Variants in MYT1L observed in about 807,000 individuals in gnomAD.
The protein encoded by MYT1L is myelin transcription factor 1 like.
In MYT1L, 12 loss-of-function variants were observed where a neutral mutation model predicts 126.7. The observed-to-expected ratio is 0.09, with a 90% CI of 0.06 to 0.15. The LOEUF (loss-of-function observed/expected upper bound fraction) is 0.15, where lower values mean the gene tolerates loss of function less well. Ranked by LOEUF, MYT1L falls within the 10% of genes least tolerant of loss-of-function variation. MYT1L has a pLI of 1.00. For synonymous variants in MYT1L, 541 were observed against 604.2 expected (o/e 0.90, Z 1.53); for missense variants, 979 against 1,585.2 (o/e 0.62, Z 6.49).
At chr2:1,964,039 C>T (rs910364296) in intron 8 of MYT1L, among the ~76,000 whole-genome samples, 1 of 152,180 alleles carries the variant, frequency 6.6e-6, no homozygotes, top group Admixed American at 6.5e-5. Context: ...GCATTTCCAG[C>T]TTTTGATTTA....
chr2:1,996,790 G>A (rs2061904629), intron 5 of MYT1L, among the ~76,000 whole-genome samples: 1 of 130,192 alleles, frequency 7.7e-6, no homozygotes, highest in Non-Finnish European at 1.6e-5. Context: ...TTTACCTAGT[G>A]AGCGAGGGCC....
intron 4 of MYT1L, among the ~76,000 whole-genome samples, chr2:2,036,564 A>G (rs2066877971): frequency 6.6e-6 from 1 of 152,216 alleles, no homozygotes; most frequent in Non-Finnish European, 1.5e-5. Flanking sequence ...ACAGCTCCTC[A>G]TGGCAGAAAC....
intron 4 of MYT1L, among the ~76,000 whole-genome samples, chr2:2,030,073 T>G (rs1319674381): frequency 6.6e-6 from 1 of 152,072 alleles, no homozygotes; most frequent in Non-Finnish European, 1.5e-5. Context: ...GTGATGGGCA[T>G]GAGGAATTGT....
At chr2:1,890,090 G>T (rs181836993) in intron 15 of MYT1L, among the ~76,000 whole-genome samples, 1,933 of 149,440 alleles carry the variant, frequency 0.013, 26 homozygotes, top group Non-Finnish European at 0.023. Flanking sequence ...TTTTTTGAGG[G>T]ACAGAGTCTT....
At chr2:2,137,177 A>G (rs1309837176) in intron 3 of MYT1L, among the ~76,000 whole-genome samples, 1 of 152,210 alleles carries the variant, frequency 6.6e-6, no homozygotes, top group Non-Finnish European at 1.5e-5. Flanking sequence ...CCACTGCTCA[A>G]TGAAATAGAA....
chr2:2,070,511 T>C (rs1160862055), intron 3 of MYT1L, among the ~76,000 whole-genome samples: 3 of 152,168 alleles, frequency 2.0e-5, no homozygotes, highest in Admixed American at 1.3e-4. Flanking sequence ...GATACTGAGG[T>C]TTGACTTTTG....
intron 21 of MYT1L, among the ~76,000 whole-genome samples, chr2:1,836,276 C>A (rs1464665547): frequency 6.6e-6 from 1 of 151,772 alleles, no homozygotes; most frequent in South Asian, 2.1e-4. Flanking sequence ...AAGATTCCAT[C>A]AGCCTGCCCC....
chr2:2,026,588 G>A (rs1334237749), intron 4 of MYT1L, among the ~76,000 whole-genome samples: 2 of 152,206 alleles, frequency 1.3e-5, no homozygotes, highest in Non-Finnish European at 2.9e-5. Context: ...CTCAGGCCTC[G>A]CTGGCTTCCT....
At chr2:1,995,284 A>C (rs953447105) in intron 5 of MYT1L, among the ~76,000 whole-genome samples, 3 of 152,192 alleles carry the variant, frequency 2.0e-5, no homozygotes, top group Non-Finnish European at 4.4e-5. Flanking sequence ...ACAGGGCTCC[A>C]CACGTGTGAG....
chr2:1,880,761 G>A (rs372580820), intron 18 of MYT1L, among the ~76,000 whole-genome samples: 1 of 151,964 alleles, frequency 6.6e-6, no homozygotes. Flanking sequence ...CATGGTCTGC[G>A]TTTTCTTTTG....
chr2:2,295,979 A>G (rs1251579962), intron 1 of MYT1L, among the ~76,000 whole-genome samples: 3 of 151,984 alleles, frequency 2.0e-5, no homozygotes, highest in Non-Finnish European at 2.9e-5. Flanking sequence ...GAATAAAGCC[A>G]GAGAGAGAGA....
Position 2,228,042 on chromosome 2 carries a change from T to TTG in MYT1L, c.-420-55055_-420-55054insCA, listed in dbSNP as rs2094058179. On this transcript the variant is annotated intron_variant, in intron 2 of 24. Transcript: ENST00000647738. The surrounding 1 kb of genome is among the most constrained non-coding windows in gnomAD (Gnocchi z 5.9). Reference sequence around the variant, plus strand: ...ATTAACTAAATTGCCCAATGTCAAGTAGCTCATAACGGCTAGTAAATGCCT... The same window carrying TTG: ...ATTAACTAAATTGCCCAATGTCAAGTTGAGCTCATAACGGCTAGTAAATGCCT... 2.0e-5 allele frequency among the ~76,000 whole-genome samples: 3 copies of TTG among 152,214 alleles called. No individual in the cohort carries two copies. Among genetic ancestry groups the TTG allele is most frequent in the African/African-American group, 7.2e-5 (3 of 41,464 alleles).
In MYT1L at chr2:2,224,338, G is replaced by A. The variant is rs1165302326; in HGVS notation, c.-420-51350C>T. Reference sequence around the variant, plus strand: ...GCGTGGCGAGACCTTCCAGCAGACAGCAAAGGAAGAAGGTCCATGGGCTCA... The same window carrying A: ...GCGTGGCGAGACCTTCCAGCAGACAACAAAGGAAGAAGGTCCATGGGCTCA... On this transcript the variant is annotated intron_variant, in intron 2 of 24. Coordinates refer to ENST00000647738, the MANE Select transcript of MYT1L (RefSeq NM_001303052.2). This position sits in a 1 kb window ranked among gnomAD's most constrained non-coding sequence, Gnocchi z 4.0. Among the ~76,000 whole-genome samples the A allele has an allele frequency of 6.6e-6, 1 of 152,078 alleles. No homozygotes were observed. The highest frequency in any genetic ancestry group is 1.9e-4 in the East Asian group (1 of 5,158).
intron 21 of MYT1L, among the ~76,000 whole-genome samples, chr2:1,835,705 G>A (rs936353660): frequency 6.6e-6 from 1 of 152,074 alleles, no homozygotes; most frequent in South Asian, 2.1e-4. Flanking sequence ...GGGCAAACAC[G>A]CCCAGAGCCC....
chr2:2,243,643 G>A lies in MYT1L; in HGVS notation c.-421+40761C>T, dbSNP rs59348937. ...CAGAAAAGTAGCTGGGAAGCCACAT[G>A]TTGCACTCAATCCACACTGCTTTTA... is the stretch of plus-strand genomic sequence containing the variant. On this transcript the variant is annotated intron_variant, in intron 2 of 24. Transcript: ENST00000647738. Among the ~76,000 whole-genome samples, 564 of 152,324 alleles carry A rather than the reference G, an allele frequency of 3.7e-3. 1 individual carries two copies. Among genetic ancestry groups the A allele is most frequent in the African/African-American group, 0.013 (535 of 41,570 alleles).
At chr2:2,143,813 A>C (rs1185574217) in intron 3 of MYT1L, among the ~76,000 whole-genome samples, 1 of 152,162 alleles carries the variant, frequency 6.6e-6, no homozygotes, top group Non-Finnish European at 1.5e-5. Flanking sequence ...CCTTTGCAGC[A>C]ACATGGATGC....
At chr2:2,003,886 T>C (rs2062677061) in intron 4 of MYT1L, among the ~76,000 whole-genome samples, 1 of 152,126 alleles carries the variant, frequency 6.6e-6, no homozygotes, top group African/African-American at 2.4e-5. Context: ...TCCTTTTCCA[T>C]CATGAAGCCT....
In MYT1L at chr2:2,223,918, G is replaced by A. The variant is rs1003177958; in HGVS notation, c.-420-50930C>T. Among the ~76,000 whole-genome samples, 3 of 152,338 alleles carry A rather than the reference G, an allele frequency of 2.0e-5. No individual in the cohort carries two copies. The East Asian group carries it at 5.8e-4, about 29-fold the overall frequency. ...CTCCACCACCAAGCCTCCTCCAGGT[G>A]GGTCAGCGAAGGGAGATGAAGGAAA... On this transcript the variant is annotated intron_variant, in intron 2 of 24. Coordinates refer to ENST00000647738, the MANE Select transcript of MYT1L (RefSeq NM_001303052.2).
At chr2:2,004,570 T>C (rs112642880) in intron 4 of MYT1L, among the ~76,000 whole-genome samples, 16,832 of 73,258 alleles carry the variant, frequency 0.23, 780 homozygotes, top group Non-Finnish European at 0.26. Flanking sequence ...TGCCTTCTCT[T>C]CTGCAGGCGT....
Sources: allele counts gnomAD v4.1 joint callset (sites outside exome capture counted in the v4.1 genomes callset), GRCh38; gene constraint gnomAD v4.1.1; non-coding constraint Gnocchi (gnomAD v3.1); transcripts MANE v1.5; gene names NCBI Gene and HGNC (gene_info 2026-07-23, HGNC 2026-07-21).